The following AGBL1 variants were observed in gnomAD, a reference collection of about 807,000 sequenced individuals.
AGBL1 encodes the protein AGBL carboxypeptidase 1, also known as cytosolic carboxypeptidase 4.
AGBL1 carries 130 observed loss-of-function variants against 118.9 expected under a neutral mutation model. The observed-to-expected ratio is 1.09, with a 90% CI of 0.95 to 1.26. The LOEUF is 1.26. Ranked by LOEUF, AGBL1 falls within the 50% of genes most tolerant of loss-of-function variation. The pLI, the probability that AGBL1 is intolerant of heterozygous loss-of-function variation, is 0.00. For synonymous variants in AGBL1, 555 were observed against 478.9 expected, an observed-to-expected ratio of 1.16 and a Z score of -2.08; for missense variants, 1,584 against 1,298.1, an observed-to-expected ratio of 1.22 and a Z score of -3.38.
chr15:86,679,272 C>T (rs2085906481), intron 22 of AGBL1, among the ~76,000 whole-genome samples: 1 of 152,004 alleles, frequency 6.6e-6, no homozygotes, highest in Non-Finnish European at 1.5e-5. Context: ...GGATTCTGTT[C>T]GTATCCTTTT....
chr15:86,132,068 A>AAACCC (rs1476460777), intron 1 of AGBL1, among the ~76,000 whole-genome samples: 1 of 152,188 alleles, frequency 6.6e-6, no homozygotes. Flanking sequence ...AGATTGGGGT[A>AAACCC]GGGAAGACCA....
At chr15:86,374,938 A>G (rs1385676072) in intron 17 of AGBL1, among the ~76,000 whole-genome samples, 1 of 152,234 alleles carries the variant, frequency 6.6e-6, no homozygotes, top group Non-Finnish European at 1.5e-5. Context: ...TTTGGGTCAA[A>G]ACAACCACAG....
At chr15:86,713,840 A>G (rs1331953387) in intron 22 of AGBL1, among the ~76,000 whole-genome samples, 1 of 152,134 alleles carries the variant, frequency 6.6e-6, no homozygotes, top group Non-Finnish European at 1.5e-5. Context: ...CAAATAAATC[A>G]TGAAAGAGCT....
chr15:86,379,600 A>G (rs2081085762), intron 17 of AGBL1, among the ~76,000 whole-genome samples: 1 of 152,212 alleles, frequency 6.6e-6, no homozygotes, highest in South Asian at 2.1e-4. Flanking sequence ...CTTTACATGC[A>G]TTATCATATT....
intron 21 of AGBL1, among the ~76,000 whole-genome samples, chr15:86,580,766 A>G (rs1181865725): frequency 6.6e-6 from 1 of 152,156 alleles, no homozygotes; most frequent in Non-Finnish European, 1.5e-5. Flanking sequence ...TTTGTTAACT[A>G]TATTCACCCT....
intron 17 of AGBL1, among the ~76,000 whole-genome samples, chr15:86,365,808 A>G (rs928689927): frequency 3.3e-5 from 5 of 152,146 alleles, no homozygotes; most frequent in African/African-American, 1.2e-4. Context: ...GGAGTGATAA[A>G]TATCAAATCA....
At chr15:86,242,451 A>T (rs887111505) in intron 6 of AGBL1, among the ~76,000 whole-genome samples, 2 of 152,222 alleles carry the variant, frequency 1.3e-5, no homozygotes, top group Non-Finnish European at 2.9e-5. Flanking sequence ...ATAAAGACTG[A>T]GTGATAGAGC....
intron 23 of AGBL1, among the ~76,000 whole-genome samples, chr15:86,924,126 G>C (rs964087268): frequency 3.3e-5 from 5 of 152,192 alleles, no homozygotes; most frequent in African/African-American, 9.7e-5. Flanking sequence ...CATATTCACA[G>C]ATGCACATGT....
intron 22 of AGBL1, among the ~76,000 whole-genome samples, chr15:86,890,225 G>A (rs987902767): frequency 1.3e-5 from 2 of 151,696 alleles, no homozygotes; most frequent in Non-Finnish European, 2.9e-5. Context: ...CATATCCTTT[G>A]CCCACTTTTT....
Position 86,537,987 on chromosome 15 carries a change from G to C in AGBL1, c.2686-8015G>C, listed in dbSNP as rs189263819. ...TATGTTTTTGGGTTGATTTACAGGC[G>C]CTCTTTCATTGTAACTGAAATATTT... On this transcript the variant is annotated intron_variant, in intron 19 of 22. Transcript: ENST00000614907. Among the ~76,000 whole-genome samples, 287 of 152,244 alleles carry C rather than the reference G, an allele frequency of 1.9e-3. 1 individual carries two copies. The highest frequency in any genetic ancestry group is 6.4e-3 in the African/African-American group (266 of 41,552).
At chr15:86,882,008 TG>T (rs2079899376) in intron 22 of AGBL1, among the ~76,000 whole-genome samples, 1 of 152,158 alleles carries the variant, frequency 6.6e-6, no homozygotes, top group Non-Finnish European at 1.5e-5. Context: ...TGAGATTTGG[TG>T]GGGACACAAA....
At chr15:86,786,149 A>G (rs1359046579) in intron 22 of AGBL1, among the ~76,000 whole-genome samples, 3 of 152,112 alleles carry the variant, frequency 2.0e-5, no homozygotes, top group African/African-American at 7.2e-5. Flanking sequence ...GTACATGTGC[A>G]CAGTGTGCAG....
Position 86,278,525 on chromosome 15 carries a change from G to A in AGBL1, c.2076-1114G>A, listed in dbSNP as rs138494071. Among the ~76,000 whole-genome samples, 13 of 152,212 alleles carry A rather than the reference G, an allele frequency of 8.5e-5. No individual in the cohort carries two copies. In the East Asian group the frequency reaches 2.3e-3, roughly 27 times the overall value. ...TCTTCCATGCTTACTTTTTGCTTAG[G>A]TAGGGAGTGGCATGAAAGTAGCAAA... On this transcript the variant is annotated intron_variant, in intron 15 of 22. Coordinates refer to ENST00000614907, the MANE Select transcript of AGBL1 (RefSeq NM_001386094.1).
Position 86,641,258 on chromosome 15 carries a change from A to T in AGBL1, c.2995-33015A>T, listed in dbSNP as rs1334128766. The stretch of plus-strand genomic sequence containing the variant: ...TATATTGAACTATTTTCCAAAAATT[A>T]TTGTGATCACTTATTTTTATTGTAA... On this transcript the variant is annotated intron_variant, in intron 21 of 22. Coordinates refer to ENST00000614907, the MANE Select transcript of AGBL1 (RefSeq NM_001386094.1). Among the ~76,000 whole-genome samples, 7 of 152,136 alleles carry T rather than the reference A, an allele frequency of 4.6e-5. No homozygotes were observed. The East Asian group carries it at 1.3e-3, about 29-fold the overall frequency.
chr15:86,093,414 C>T (rs568271215), intron 1 of AGBL1, among the ~76,000 whole-genome samples: 1 of 152,020 alleles, frequency 6.6e-6, no homozygotes, highest in Admixed American at 6.6e-5. Context: ...TGGGTAAACA[C>T]CAGAAGAAAT....
At chr15:86,859,857 C>CA (rs2079536720) in intron 22 of AGBL1, among the ~76,000 whole-genome samples, 1 of 152,138 alleles carries the variant, frequency 6.6e-6, no homozygotes, top group Non-Finnish European at 1.5e-5. Flanking sequence ...CTAATTCCAT[C>CA]TCTAGAGTTT....
chr15:86,602,354 C>T (rs2084509942), intron 21 of AGBL1, among the ~76,000 whole-genome samples: 1 of 152,150 alleles, frequency 6.6e-6, no homozygotes. Context: ...AGATTAACTA[C>T]TCAATAAATG....
At chr15:86,266,180 T>A (rs867420086) in intron 11 of AGBL1, among the ~76,000 whole-genome samples, 194 bp from the exon 12 acceptor site, 1 of 152,204 alleles carries the variant, frequency 6.6e-6, no homozygotes, top group Non-Finnish European at 1.5e-5. Context: ...GCAGTTTTAT[T>A]TTTTGATAGA....
At chr15:86,476,961 C>A (rs1471842837) in intron 18 of AGBL1, among the ~76,000 whole-genome samples, 1 of 152,188 alleles carries the variant, frequency 6.6e-6, no homozygotes, top group African/African-American at 2.4e-5. Flanking sequence ...GGAAACTGAA[C>A]AACCTGCTCC....
Sources: allele counts gnomAD v4.1 joint callset (sites outside exome capture counted in the v4.1 genomes callset), GRCh38; gene constraint gnomAD v4.1.1; transcripts MANE v1.5; gene names NCBI Gene and HGNC (gene_info 2026-07-23, HGNC 2026-07-21).